Variants in STK3 observed in about 807,000 individuals in gnomAD.
STK3 encodes the protein serine/threonine-protein kinase 3.
Under a neutral mutation model 58.0 loss-of-function variants are expected in STK3, and 41 were observed. That is an observed-to-expected ratio of 0.71 (90% CI 0.55 to 0.92). The LOEUF (loss-of-function observed/expected upper bound fraction) is 0.92, where lower values mean the gene tolerates loss of function less well. Among genes scored for constraint, STK3 ranks in the 40% least tolerant of loss-of-function variants. The pLI, the probability that STK3 is intolerant of heterozygous loss-of-function variation, is 0.00. For missense variants in STK3, 479 were observed against 602.7 expected, an observed-to-expected ratio of 0.79 and a Z score of 2.15; for synonymous variants, 170 against 191.0, an observed-to-expected ratio of 0.89 and a Z score of 0.91.
At chr8:98,353,819 A>G in the STK3 span, among the ~76,000 whole-genome samples, 3 of 152,178 alleles carry the variant, frequency 2.0e-5, no homozygotes, top group Non-Finnish European at 2.9e-5. Context: ...GTATGGGTAT[A>G]GAGACCAAAG....
intron 6 of STK3, among the ~76,000 whole-genome samples, chr8:98,665,805 G>A (rs1023692155): frequency 6.6e-6 from 1 of 151,554 alleles, no homozygotes; most frequent in African/African-American, 2.4e-5. Context: ...CTGGGTTCAC[G>A]CCATTCTCCT....
chr8:98,550,482 C>T (rs897980215), intron 8 of STK3, among the ~76,000 whole-genome samples: 1 of 152,148 alleles, frequency 6.6e-6, no homozygotes, highest in Non-Finnish European at 1.5e-5. Flanking sequence ...TCCCCAACAA[C>T]CACCACAAAG....
intron 1 of STK3, among the ~76,000 whole-genome samples, chr8:98,925,275 T>G (rs1158305487): frequency 6.6e-6 from 1 of 152,264 alleles, no homozygotes; most frequent in Non-Finnish European, 1.5e-5. Flanking sequence ...CCTGGCTTAT[T>G]GATAGTGATT....
intron 9 of STK3, among the ~76,000 whole-genome samples, chr8:98,537,452 A>G (rs1809858717): frequency 6.6e-6 from 1 of 152,208 alleles, no homozygotes. Context: ...ACATGTTCAC[A>G]GAAGTGGGAC....
intron 2 of STK3, among the ~76,000 whole-genome samples, chr8:98,436,320 T>G (rs1818487024): frequency 6.6e-6 from 1 of 152,142 alleles, no homozygotes; most frequent in Non-Finnish European, 1.5e-5. Context: ...TCAACCCACC[T>G]GCAAAGGACC....
chr8:98,388,490 C>T (rs1817815202), upstream of STK3, among the ~76,000 whole-genome samples: 1 of 152,162 alleles, frequency 6.6e-6, no homozygotes. Flanking sequence ...GCAGCACACA[C>T]CACCACTTAT....
chr8:98,399,224 T>G (rs1563592470), downstream of STK3, among the ~76,000 whole-genome samples: 1 of 152,216 alleles, frequency 6.6e-6, no homozygotes, highest in Non-Finnish European at 1.5e-5. Flanking sequence ...ATGCTGAAGT[T>G]TGGCATAACT....
At chr8:98,911,322 G>A (rs1490207953) in intron 1 of STK3, among the ~76,000 whole-genome samples, 3 of 152,152 alleles carry the variant, frequency 2.0e-5, no homozygotes, top group Admixed American at 2.0e-4. Flanking sequence ...TACATCAGCA[G>A]CCTCCCTTAC....
Position 98,639,853 on chromosome 8 carries a change from G to C in STK3, c.685-43684C>G, listed in dbSNP as rs1332433293. On this transcript the variant is annotated intron_variant, in intron 6 of 10. Transcript: ENST00000419617. ...TGGCCAGGCGCGGTGGCTCACGCCT[G>C]TAATCCCAGCACTTTGGAAGGCTTA... is the stretch of plus-strand genomic sequence containing the variant. 1.3e-5 allele frequency among the ~76,000 whole-genome samples: 2 copies of C among 152,046 alleles called. 1 individual carries two copies. Among genetic ancestry groups the C allele is most frequent in the South Asian group, 4.2e-4 (2 of 4,818 alleles).
chr8:98,850,948 G>C (rs1234840974), intron 3 of STK3, among the ~76,000 whole-genome samples: 1 of 152,186 alleles, frequency 6.6e-6, no homozygotes, highest in African/African-American at 2.4e-5. Context: ...ACTCAATTAT[G>C]AAAGTGTGGC....
At chr8:98,384,227 A>G (rs1817767835) in intron 1 of STK3, among the ~76,000 whole-genome samples, 1 of 152,170 alleles carries the variant, frequency 6.6e-6, no homozygotes, top group Non-Finnish European at 1.5e-5. Flanking sequence ...AATCCTTCAT[A>G]AGGTGTAACC....
intron 1 of STK3, among the ~76,000 whole-genome samples, chr8:98,899,424 A>T (rs1838575933): frequency 6.6e-6 from 1 of 152,232 alleles, no homozygotes; most frequent in African/African-American, 2.4e-5. Flanking sequence ...AATTGTATCT[A>T]TACTGAATAT....
chr8:98,705,450 A>G (rs1313763620), intron 6 of STK3, among the ~76,000 whole-genome samples: 3 of 152,114 alleles, frequency 2.0e-5, no homozygotes, highest in Non-Finnish European at 4.4e-5. Context: ...AAAATGTTTC[A>G]ATACAGCAGA....
intron 7 of STK3, among the ~76,000 whole-genome samples, chr8:98,587,008 C>T (rs1017129589): frequency 1.3e-4 from 20 of 151,790 alleles, no homozygotes; most frequent in Non-Finnish European, 1.9e-4. Flanking sequence ...ATTAGTCTTG[C>T]TAGCGGTCTA....
intron 6 of STK3, among the ~76,000 whole-genome samples, chr8:98,614,867 G>A (rs188829894): frequency 4.7e-4 from 72 of 152,268 alleles, no homozygotes; most frequent in Admixed American, 8.5e-4. Flanking sequence ...ACTGCAAGGC[G>A]GCAGCTAGGC....
At chr8:98,926,546 T>C (rs1587857799) in intron 1 of STK3, among the ~76,000 whole-genome samples, 1 of 151,814 alleles carries the variant, frequency 6.6e-6, no homozygotes, top group East Asian at 1.9e-4. Context: ...AGTAAAACAA[T>C]ACACACACAT....
At chr8:98,820,290 TA>T (rs1384402665) in intron 1 of STK3, among the ~76,000 whole-genome samples, 1 of 152,180 alleles carries the variant, frequency 6.6e-6, no homozygotes, top group African/African-American at 2.4e-5. Context: ...TAGCTTAAAT[TA>T]AAGAACTCAC....
chr8:98,696,819 T>C (rs979178019), intron 6 of STK3, among the ~76,000 whole-genome samples: 5 of 152,188 alleles, frequency 3.3e-5, no homozygotes, highest in African/African-American at 7.2e-5. Context: ...TAAAATTCTC[T>C]TTTTTGGTTG....
At chr8:98,877,465 C>T (rs1229131249) in intron 3 of STK3, among the ~76,000 whole-genome samples, 1 of 151,958 alleles carries the variant, frequency 6.6e-6, no homozygotes, top group East Asian at 1.9e-4. Flanking sequence ...TCAGTCATTC[C>T]ATGTGTTTTT....
Sources: gnomAD v4.1 joint callset for allele counts (sites outside exome capture counted in the v4.1 genomes callset) on GRCh38, gnomAD v4.1.1 for gene constraint, MANE v1.5 for transcripts, NCBI Gene and HGNC (gene_info 2026-07-23, HGNC 2026-07-21) for gene names.